Variants in ACTR6 observed in about 807,000 individuals in gnomAD.
ACTR6 encodes actin related protein 6, also known as actin-related protein 6.
A neutral mutation model predicts 52.5 loss-of-function variants in ACTR6; 50 were observed. The observed-to-expected ratio is 0.95, with a 90% confidence interval of 0.76 to 1.20. ACTR6 has a LOEUF of 1.20. ACTR6 is among the 50% of genes most tolerant of loss of function. ACTR6 has a pLI of 0.00. For missense variants in ACTR6, 344 were observed against 472.4 expected (o/e 0.73, Z 2.52); for synonymous variants, 135 against 147.2 (o/e 0.92, Z 0.60).
In ACTR6 at chr12:100,200,915, G is replaced by C; in HGVS notation, c.64G>C (p.Val22Leu). ...CAAAATCGGTTACAGCCATGAAAAT[G>C]TGTCGTAAGTACTTTCTTTCTCCGA... is the stretch of plus-strand genomic sequence containing the variant. ...NAKIGYSHEN[V>L]SVIPNCQFRS... Residue 22 changes from valine (V) to leucine (L), a missense_variant, in exon 1 of 11, where the codon GTG (valine) becomes CTG (leucine). Val to Leu is a conservative substitution (Grantham distance 32, BLOSUM62 1). Coordinates refer to ENST00000188312, the MANE Select transcript of ACTR6 (RefSeq NM_022496.5). 1.2e-6 allele frequency: 2 copies of C among 1,614,146 alleles called. No individual in the cohort carries two copies. Among genetic ancestry groups the C allele is most frequent in the Non-Finnish European group, 1.7e-6 (2 of 1,180,012 alleles).
intron 8 of ACTR6, among the ~76,000 whole-genome samples, chr12:100,217,714 A>G (rs2096124924): frequency 6.6e-6 from 1 of 152,204 alleles, no homozygotes; most frequent in South Asian, 2.1e-4. Context: ...GGACTTGCTT[A>G]CATCATTTGG....
Position 100,218,047 on chromosome 12 carries a change from C to T in ACTR6, c.751-368C>T, listed in dbSNP as rs1056774594. 2.0e-5 allele frequency among the ~76,000 whole-genome samples: 3 copies of T among 151,984 alleles called. No homozygotes were observed. The highest frequency in any genetic ancestry group is 7.3e-5 in the African/African-American group (3 of 41,370). On this transcript the variant is annotated intron_variant, in intron 8 of 10. Transcript: ENST00000188312. This position sits in a 1 kb window ranked among gnomAD's most constrained non-coding sequence, Gnocchi z 4.2. ...AAGAGACGGGGGTCTCGCTATGTTTCCCAGGCTGTCTTGAACTCCCGGGCT... is the reference window on the plus strand; with the variant it reads ...AAGAGACGGGGGTCTCGCTATGTTTTCCAGGCTGTCTTGAACTCCCGGGCT...
At chr12:100,212,420 T>G (rs895051359) in intron 7 of ACTR6, 30 bp from the exon 8 acceptor site, 1 of 1,601,598 alleles carries the variant, frequency 6.2e-7, no homozygotes, top group Admixed American at 1.7e-5. Context: ...ATAATTAGAA[T>G]GTTTCATAAA....
intron 2 of ACTR6, 45 bp downstream of exon 2, chr12:100,205,102 AT>A: frequency 8.1e-7 from 1 of 1,227,978 alleles, no homozygotes; most frequent in Non-Finnish European, 1.1e-6. Flanking sequence ...GTAGACCTAA[AT>A]TTAAAGATAA....
At chr12:100,208,878 C>G in intron 4 of ACTR6, 1 of 437,452 alleles carries the variant, frequency 2.3e-6, no homozygotes, top group Non-Finnish European at 4.5e-6. Context: ...TCCCAAGTAG[C>G]TGGGACCACA....
chr12:100,223,155 T>A (rs2096129648), intron 10 of ACTR6, among the ~76,000 whole-genome samples: 2 of 151,962 alleles, frequency 1.3e-5, no homozygotes, highest in South Asian at 4.1e-4. Flanking sequence ...CTGGCCAACA[T>A]GGTGAAACCC....
In ACTR6 at chr12:100,220,080, G is replaced by A. The variant is rs375164278; in HGVS notation, c.995G>A (p.Arg332Gln). The A allele has an allele frequency of 3.2e-5, 52 of 1,613,638 alleles. No homozygotes were observed. The highest frequency in any genetic ancestry group is 1.6e-4 in the Middle Eastern group (1 of 6,084). ...GNSLFPGFRD[R>Q]VYSEVRCLTP... ...TCCCTTTTCCCAGGATTTAGGGATCGGGTTTACTCAGAAGTTCGATGTCTT... is the reference window on the plus strand; with the variant it reads ...TCCCTTTTCCCAGGATTTAGGGATCAGGTTTACTCAGAAGTTCGATGTCTT... The change falls in exon 10 of 11, where the codon CGG (arginine) becomes CAG (glutamine). Residue 332 changes from arginine (R) to glutamine (Q), a missense_variant. Transcript: ENST00000188312.
chr12:100,214,324 A>G (rs2096122291), intron 8 of ACTR6, among the ~76,000 whole-genome samples: 1 of 152,188 alleles, frequency 6.6e-6, no homozygotes, highest in Admixed American at 6.6e-5. Flanking sequence ...TATACTTAGT[A>G]TGCCTGAAAA....
At chr12:100,215,696 C>T (rs746724713) in intron 8 of ACTR6, among the ~76,000 whole-genome samples, 4 of 152,082 alleles carry the variant, frequency 2.6e-5, no homozygotes, top group South Asian at 2.1e-4. Flanking sequence ...TTGTCAATTT[C>T]GTTAAAATGT....
rs528614943 is a variant in ACTR6 at position 100,217,701 on chromosome 12, C to A, written c.751-714C>A. Reference sequence around the variant, plus strand: ...ATAAGGTAAGTTCAAGGATAAGGACCATGGACTTGCTTACATCATTTGGAA... The same window carrying A: ...ATAAGGTAAGTTCAAGGATAAGGACAATGGACTTGCTTACATCATTTGGAA... On this transcript the variant is annotated intron_variant, in intron 8 of 10. Transcript: ENST00000188312. Among the ~76,000 whole-genome samples the A allele has an allele frequency of 9.0e-4, 137 of 152,174 alleles. 1 individual carries two copies. Among genetic ancestry groups the A allele is most frequent in the Non-Finnish European group, 1.6e-3 (111 of 68,000 alleles).
chr12:100,206,059 G>A (rs1676901162), intron 3 of ACTR6: 1 of 177,366 alleles, frequency 5.6e-6, no homozygotes, highest in Non-Finnish European at 1.2e-5. Flanking sequence ...TTTAATGTCT[G>A]TAATGTGATT....
intron 10 of ACTR6, chr12:100,221,547 G>C: frequency 6.6e-6 from 1 of 151,866 alleles, no homozygotes; most frequent in East Asian, 1.9e-4. Flanking sequence ...TTTATTGTGC[G>C]TCTACTGCTT....
chr12:100,217,973 TGTC>T (rs2096125139), intron 8 of ACTR6, among the ~76,000 whole-genome samples: 4 of 152,118 alleles, frequency 2.6e-5, no homozygotes, highest in Admixed American at 2.6e-4. Context: ...AGTTCTCTCT[TGTC>T]TCTCCTCCTT....
At chr12:100,207,602 T>A in intron 3 of ACTR6, 61 bp from the exon 4 acceptor site, 1 of 1,332,502 alleles carries the variant, frequency 7.5e-7, no homozygotes, top group Non-Finnish European at 1.0e-6. Flanking sequence ...TTTGTACATG[T>A]AAAACAAGTG....
chr12:100,217,543 G>T (rs1328092214), intron 8 of ACTR6, among the ~76,000 whole-genome samples: 1 of 152,154 alleles, frequency 6.6e-6, no homozygotes, highest in African/African-American at 2.4e-5. Flanking sequence ...ATTGTGGAAG[G>T]AGATTATTTT....
At chr12:100,221,341 C>T (rs1444840503) in intron 10 of ACTR6, among the ~76,000 whole-genome samples, 3 of 152,168 alleles carry the variant, frequency 2.0e-5, no homozygotes, top group Admixed American at 6.5e-5. Flanking sequence ...TAATAGAAGG[C>T]CCTCATTGGT....
Position 100,212,336 on chromosome 12 carries a change from G to C in ACTR6, c.653G>C (p.Arg218Thr), listed in dbSNP as rs757397599. 1 of 1,611,204 alleles carries C rather than the reference G, an allele frequency of 6.2e-7. No individual in the cohort carries two copies. The highest frequency in any genetic ancestry group is 1.1e-5 in the South Asian group (1 of 90,644). Residue 218 changes from arginine (R) to threonine (T), a missense_variant, in exon 7 of 11, where the codon AGA (arginine) becomes ACA (threonine). Arg to Thr is a moderately conservative substitution (Grantham distance 71). Coordinates refer to ENST00000188312, the MANE Select transcript of ACTR6 (RefSeq NM_022496.5). ...TGCTATGTGTCTCAGGATTTTTATAGAGACATGGATATTGCAAAGTATGTA... is the reference window on the plus strand; with the variant it reads ...TGCTATGTGTCTCAGGATTTTTATACAGACATGGATATTGCAAAGTATGTA... ...DVCYVSQDFY[R>T]DMDIAKLKGE...
At position 100,223,828 on chromosome 12, in the gene ACTR6, GAATGATGATTTTGAAGATATGGTGGTAAC is replaced by G. The variant is rs2096130184; in HGVS notation, c.1107_1135del (p.Asn369LysfsTer10). On this transcript the variant is annotated frameshift_variant, in exon 11 of 11. Transcript: ENST00000188312. LOFTEE classifies it high-confidence loss of function. ...GGGAAGGTGGAAAATTGATATCAGA[GAATGATGATTTTGAAGATATGGTGGTAAC>G]AAGAGAAGATTACGAAGAAAATGGA... The G allele has an allele frequency of 6.2e-7, 1 of 1,611,206 alleles. No individual in the cohort carries two copies.
chr12:100,216,412 C>A (rs1268687442), intron 8 of ACTR6, among the ~76,000 whole-genome samples: 1 of 152,254 alleles, frequency 6.6e-6, no homozygotes, highest in Admixed American at 6.5e-5. Context: ...GTGATCCTCC[C>A]GCTTTGGCCT....
Sources: allele counts gnomAD v4.1 joint callset (sites outside exome capture counted in the v4.1 genomes callset), GRCh38; gene constraint gnomAD v4.1.1; non-coding constraint Gnocchi (gnomAD v3.1); transcripts MANE v1.5; gene names NCBI Gene and HGNC (gene_info 2026-07-23, HGNC 2026-07-21).